Variants in PALLD observed in about 807,000 individuals in gnomAD.
PALLD encodes the protein palladin, cytoskeletal associated protein.
A neutral mutation model predicts 123.5 loss-of-function variants in PALLD; 61 were observed. The ratio of observed to expected loss-of-function variants is 0.49; its 90% CI spans 0.40 to 0.61. The LOEUF is 0.61. PALLD is among the 20% of genes least tolerant of loss of function. The probability of loss-of-function intolerance (pLI) is 0.00; values close to 1 mark genes in which losing one functional copy is unlikely to be tolerated. For synonymous variants in PALLD, 465 were observed against 496.4 expected (o/e 0.94, Z 0.84); for missense variants, 1,273 against 1,377.0 (o/e 0.92, Z 1.20).
intron 10 of PALLD, among the ~76,000 whole-genome samples, chr4:168,803,475 A>G (rs562852147): frequency 1.3e-5 from 2 of 152,298 alleles, no homozygotes; most frequent in South Asian, 2.1e-4. Flanking sequence ...GCTTGAGCCC[A>G]GGAACTCGAG....
intron 2 of PALLD, among the ~76,000 whole-genome samples, chr4:168,524,448 A>G (rs1763857992): frequency 6.6e-6 from 1 of 152,182 alleles, no homozygotes; most frequent in African/African-American, 2.4e-5. Flanking sequence ...TCCTGGGTCT[A>G]TACTTTTTTG....
chr4:168,594,423 T>C (rs1040285503), intron 2 of PALLD, among the ~76,000 whole-genome samples: 1 of 151,922 alleles, frequency 6.6e-6, no homozygotes, highest in Non-Finnish European at 1.5e-5. Flanking sequence ...GAAGTAGCCT[T>C]AAAAAAAACA....
At chr4:168,681,194 T>C in intron 3 of PALLD, 138 bp from the exon 4 acceptor site, 1 of 623,908 alleles carries the variant, frequency 1.6e-6, no homozygotes, top group Non-Finnish European at 2.9e-6. Context: ...TGTCTGAGCC[T>C]GAATCACTCT....
chr4:168,664,868 G>T (rs2149996923), intron 2 of PALLD, among the ~76,000 whole-genome samples: 1 of 152,098 alleles, frequency 6.6e-6, no homozygotes, highest in South Asian at 2.1e-4. Flanking sequence ...AGATCAGTGT[G>T]TGTTTGATCT....
intron 2 of PALLD, among the ~76,000 whole-genome samples, chr4:168,581,609 T>G (rs1770286367): frequency 6.6e-6 from 1 of 152,150 alleles, no homozygotes; most frequent in South Asian, 2.1e-4. Context: ...ATATTGTTAC[T>G]GAGTTACTCA....
At chr4:168,901,057 G>A (rs1756406556) in intron 14 of PALLD, among the ~76,000 whole-genome samples, 1 of 152,140 alleles carries the variant, frequency 6.6e-6, no homozygotes. Flanking sequence ...TTCACAGCTA[G>A]AAGGGACTTA....
intron 10 of PALLD, among the ~76,000 whole-genome samples, chr4:168,876,152 C>T (rs941678833): frequency 6.6e-6 from 1 of 152,170 alleles, no homozygotes; most frequent in African/African-American, 2.4e-5. Context: ...GCATGCTGCC[C>T]TATTGAGGAA....
At chr4:168,600,189 G>A (rs778028000) in intron 2 of PALLD, among the ~76,000 whole-genome samples, 3 of 151,740 alleles carry the variant, frequency 2.0e-5, no homozygotes, top group South Asian at 2.1e-4. Flanking sequence ...ATATATAAAC[G>A]GTGTGCGTGT....
chr4:168,726,241 T>A (rs967290913), intron 10 of PALLD, among the ~76,000 whole-genome samples: 1 of 152,218 alleles, frequency 6.6e-6, no homozygotes, highest in South Asian at 2.1e-4. Flanking sequence ...CTAAAAACTG[T>A]CAGAAGTTTC....
intron 10 of PALLD, among the ~76,000 whole-genome samples, chr4:168,735,160 C>A (rs1456903055): frequency 6.6e-6 from 1 of 152,160 alleles, no homozygotes; most frequent in Non-Finnish European, 1.5e-5. Flanking sequence ...TACTCCTATA[C>A]AATCAGCACG....
chr4:168,594,737 C>T (rs145334944), intron 2 of PALLD, among the ~76,000 whole-genome samples: 2 of 152,214 alleles, frequency 1.3e-5, no homozygotes, highest in Non-Finnish European at 2.9e-5. Context: ...TATTAGGCTC[C>T]TGAAGTCTGC....
chr4:168,575,746 T>C (rs1013974335), intron 2 of PALLD, among the ~76,000 whole-genome samples: 2 of 152,140 alleles, frequency 1.3e-5, no homozygotes, highest in African/African-American at 2.4e-5. Context: ...AATTCTACTT[T>C]AGTACATCTG....
chr4:168,870,608 T>C (rs531385069), intron 10 of PALLD, among the ~76,000 whole-genome samples: 121 of 152,330 alleles, frequency 7.9e-4, no homozygotes, highest in African/African-American at 2.7e-3. Context: ...TGTTTAGTTG[T>C]CCAAGTTTAC....
intron 10 of PALLD, among the ~76,000 whole-genome samples, chr4:168,847,482 A>G (rs189793939): frequency 6.6e-6 from 1 of 152,360 alleles, no homozygotes; most frequent in Non-Finnish European, 1.5e-5. Flanking sequence ...TTTGTGAACA[A>G]AAACCCAAAC....
intron 10 of PALLD, among the ~76,000 whole-genome samples, chr4:168,777,194 T>C (rs1735283384): frequency 6.6e-6 from 1 of 152,114 alleles, no homozygotes; most frequent in Non-Finnish European, 1.5e-5. Context: ...CACAGGACTT[T>C]TCAACCTTCC....
At chr4:168,899,830 T>C (rs940549252) in intron 14 of PALLD, among the ~76,000 whole-genome samples, 1 of 151,684 alleles carries the variant, frequency 6.6e-6, no homozygotes, top group Non-Finnish European at 1.5e-5. Flanking sequence ...GGCAGGAGAA[T>C]TGCTGGAACC....
intron 1 of PALLD, among the ~76,000 whole-genome samples, chr4:168,510,547 G>A (rs1000092554): frequency 2.6e-5 from 4 of 152,176 alleles, no homozygotes; most frequent in Non-Finnish European, 4.4e-5. Context: ...TGAAGGGTCA[G>A]CAAATTTCAG....
chr4:168,701,757 A>G (rs188672597), intron 8 of PALLD, among the ~76,000 whole-genome samples: 2 of 151,862 alleles, frequency 1.3e-5, no homozygotes, highest in Admixed American at 1.3e-4. Context: ...GGTTGAGAGA[A>G]GTGCTTCCCA....
intron 2 of PALLD, among the ~76,000 whole-genome samples, chr4:168,538,900 A>G (rs968393797): frequency 2.6e-5 from 4 of 152,192 alleles, no homozygotes; most frequent in Admixed American, 6.5e-5. Flanking sequence ...TCCGAAACAC[A>G]TATGTTCCAA....
Sources: allele counts gnomAD v4.1 joint callset (sites outside exome capture counted in the v4.1 genomes callset), GRCh38; gene constraint gnomAD v4.1.1; transcripts MANE v1.5; gene names NCBI Gene and HGNC (gene_info 2026-07-23, HGNC 2026-07-21).